Variants in PTPRZ1 observed in about 807,000 individuals in gnomAD.
PTPRZ1 encodes protein tyrosine phosphatase receptor type Z1.
A neutral mutation model predicts 214.1 loss-of-function variants in PTPRZ1; 82 were observed. That is an observed-to-expected ratio of 0.38 (90% confidence interval 0.32 to 0.46). The LOEUF (loss-of-function observed/expected upper bound fraction) is 0.46. Among genes scored for constraint, PTPRZ1 ranks in the 20% least tolerant of loss-of-function variants. PTPRZ1 has a pLI of 1.00. For synonymous variants in PTPRZ1, 945 were observed against 987.9 expected (o/e 0.96, Z 0.81); for missense variants, 2,603 against 2,748.7 (o/e 0.95, Z 1.19).
At chr7:121,976,677 A>AT (rs1201120094) in intron 5 of PTPRZ1, 108 bp from the exon 6 acceptor site, 3 of 902,522 alleles carry the variant, frequency 3.3e-6, no homozygotes, top group Middle Eastern at 3.2e-4. Context: ...GGAACTTACT[A>AT]TTTTTTAATG....
chr7:122,037,118 A>G lies in PTPRZ1; in HGVS notation c.5367+436A>G, dbSNP rs538087111. Among the ~76,000 whole-genome samples the G allele has an allele frequency of 2.0e-4, 31 of 151,890 alleles. No individual in the cohort carries two copies. In the South Asian group the frequency reaches 6.4e-3, roughly 32 times the overall value. ...AAACCCCATCTCTACTAAAAATACA[A>G]AAAAAAATTAGCTGGGCGTTGTGGC... is the stretch of plus-strand genomic sequence containing the variant. On this transcript the variant is annotated intron_variant, in intron 18 of 29. Transcript: ENST00000393386.
At chr7:121,945,031 C>CA (rs1796333276) in intron 2 of PTPRZ1, among the ~76,000 whole-genome samples, 1 of 152,010 alleles carries the variant, frequency 6.6e-6, no homozygotes, top group African/African-American at 2.4e-5. Flanking sequence ...AATAGTTGTC[C>CA]AAAAAAATGT....
intron 2 of PTPRZ1, among the ~76,000 whole-genome samples, chr7:121,931,835 T>C (rs930048916): frequency 7.2e-5 from 11 of 152,124 alleles, no homozygotes; most frequent in Non-Finnish European, 1.5e-4. Context: ...AGTTGAATCA[T>C]CTTGCTCATA....
chr7:121,894,230 A>G (rs1263586904), intron 1 of PTPRZ1, among the ~76,000 whole-genome samples: 2 of 152,218 alleles, frequency 1.3e-5, no homozygotes, highest in Admixed American at 1.3e-4. Context: ...AACCCTTCCC[A>G]GCATTAAATG....
At chr7:121,894,328 G>C (rs1563005126) in intron 1 of PTPRZ1, among the ~76,000 whole-genome samples, 1 of 152,180 alleles carries the variant, frequency 6.6e-6, no homozygotes, top group Non-Finnish European at 1.5e-5. Flanking sequence ...TAATATGGTT[G>C]AACATTTACA....
intron 1 of PTPRZ1, among the ~76,000 whole-genome samples, chr7:121,925,374 A>G (rs181956394): frequency 1.3e-5 from 2 of 152,322 alleles, no homozygotes; most frequent in Non-Finnish European, 2.9e-5. Flanking sequence ...TGAGCCTAAG[A>G]TTTCATTTGT....
At chr7:122,016,687 A>G (rs1798850229) in intron 12 of PTPRZ1, among the ~76,000 whole-genome samples, 2 of 151,736 alleles carry the variant, frequency 1.3e-5, no homozygotes, top group African/African-American at 2.4e-5. Context: ...TGCATTATAT[A>G]TCTTACATAT....
intron 23 of PTPRZ1, among the ~76,000 whole-genome samples, chr7:122,048,145 T>C (rs894585413): frequency 3.9e-5 from 6 of 152,058 alleles, no homozygotes; most frequent in Non-Finnish European, 7.4e-5. Flanking sequence ...ATAATATACA[T>C]ATTTAAGAGG....
intron 13 of PTPRZ1, among the ~76,000 whole-genome samples, chr7:122,019,803 T>G (rs1319361932): frequency 6.6e-6 from 1 of 152,126 alleles, no homozygotes; most frequent in Non-Finnish European, 1.5e-5. Flanking sequence ...ATACATATAA[T>G]TTGCTTTGGG....
At chr7:122,008,752 A>G (rs1464763118) in intron 11 of PTPRZ1, among the ~76,000 whole-genome samples, 1 of 152,146 alleles carries the variant, frequency 6.6e-6, no homozygotes. Context: ...TGCAAAAACA[A>G]GGAAGAGTTT....
At chr7:121,919,303 A>T (rs1425095283) in intron 1 of PTPRZ1, among the ~76,000 whole-genome samples, 1 of 152,086 alleles carries the variant, frequency 6.6e-6, no homozygotes. Context: ...ACAGTTCTTT[A>T]TAAATTTATT....
At chr7:121,967,283 A>C (rs1797073305) in intron 2 of PTPRZ1, among the ~76,000 whole-genome samples, 2 of 152,222 alleles carry the variant, frequency 1.3e-5, no homozygotes, top group South Asian at 4.1e-4. Flanking sequence ...AAACAATAAA[A>C]TGTGCTAGGC....
chr7:121,983,866 TA>T (rs1239704627), intron 7 of PTPRZ1, 44 bp downstream of exon 7: 1 of 1,596,000 alleles, frequency 6.3e-7, no homozygotes, highest in Non-Finnish European at 8.5e-7. Flanking sequence ...CAAAGCCATT[TA>T]AAAAACATTA....
At chr7:122,055,141 A>G (rs1792310397) in intron 27 of PTPRZ1, 54 bp downstream of exon 27, 2 of 1,361,642 alleles carry the variant, frequency 1.5e-6, no homozygotes, top group South Asian at 1.6e-5. Flanking sequence ...TGTTAAACAT[A>G]TTCTGACCTA....
intron 1 of PTPRZ1, among the ~76,000 whole-genome samples, chr7:121,886,089 G>A (rs1187461218): frequency 6.6e-6 from 1 of 152,122 alleles, no homozygotes; most frequent in African/African-American, 2.4e-5. Context: ...CAGTTTGCTG[G>A]AGATGTGTTT....
At chr7:121,919,395 T>A (rs904132336) in intron 1 of PTPRZ1, among the ~76,000 whole-genome samples, 2 of 152,078 alleles carry the variant, frequency 1.3e-5, no homozygotes, top group Admixed American at 1.3e-4. Flanking sequence ...GTGGAATATA[T>A]TGTAATATTT....
At chr7:121,912,534 A>C (rs574008666) in intron 1 of PTPRZ1, among the ~76,000 whole-genome samples, 10 of 152,304 alleles carry the variant, frequency 6.6e-5, no homozygotes, top group African/African-American at 2.4e-4. Context: ...CATTTGAAAA[A>C]TGCATGGAAA....
intron 13 of PTPRZ1, among the ~76,000 whole-genome samples, chr7:122,025,947 C>T (rs1282351052): frequency 6.6e-6 from 1 of 151,988 alleles, no homozygotes; most frequent in Non-Finnish European, 1.5e-5. Context: ...GGGTGTGGAC[C>T]ACAGACAGGT....
At chr7:122,023,640 A>T (rs1312957673) in intron 13 of PTPRZ1, among the ~76,000 whole-genome samples, 4 of 130,792 alleles carry the variant, frequency 3.1e-5, no homozygotes, top group African/African-American at 1.2e-4. Flanking sequence ...GTATAATTTT[A>T]TATATAATTA....
Sources: allele counts gnomAD v4.1 joint callset (sites outside exome capture counted in the v4.1 genomes callset), GRCh38; gene constraint gnomAD v4.1.1; transcripts MANE v1.5; gene names NCBI Gene and HGNC (gene_info 2026-07-23, HGNC 2026-07-21).